The following ZFAT variants were observed in gnomAD, a reference collection of about 807,000 sequenced individuals.
The protein encoded by ZFAT is zinc finger protein ZFAT.
In ZFAT, 64 loss-of-function variants were observed where a neutral mutation model predicts 117.7. The ratio of observed to expected loss-of-function variants is 0.54; its 90% CI spans 0.44 to 0.67. ZFAT has a LOEUF of 0.67. Ranked by LOEUF, ZFAT falls within the 30% of genes least tolerant of loss-of-function variation. The probability of loss-of-function intolerance (pLI) is 0.00; values close to 1 mark genes in which losing one functional copy is unlikely to be tolerated. For synonymous variants in ZFAT, 679 were observed against 615.0 expected (o/e 1.10, Z -1.54); for missense variants, 1,433 against 1,584.5 (o/e 0.90, Z 1.62).
At chr8:134,542,060 C>T (rs1282555969) in intron 11 of ZFAT, among the ~76,000 whole-genome samples, 2 of 152,238 alleles carry the variant, frequency 1.3e-5, no homozygotes, top group African/African-American at 4.8e-5. Context: ...CCTGCCTGAT[C>T]CAGACTTGCC....
the ZFAT span, among the ~76,000 whole-genome samples, chr8:134,825,781 G>A: frequency 6.6e-6 from 1 of 152,196 alleles, no homozygotes; most frequent in Non-Finnish European, 1.5e-5. Context: ...AGCACTTTGG[G>A]AGGACGAGGC....
intron 1 of ZFAT, among the ~76,000 whole-genome samples, chr8:134,658,363 A>C (rs973703077): frequency 2.3e-5 from 3 of 128,950 alleles, no homozygotes; most frequent in Non-Finnish European, 5.0e-5. Flanking sequence ...TGCAACTTAA[A>C]AAACTAAATC....
upstream of ZFAT, among the ~76,000 whole-genome samples, chr8:134,716,145 A>T (rs202032162): frequency 0.012 from 1,253 of 107,658 alleles, 21 homozygotes; most frequent in African/African-American, 0.036. Context: ...AAATTTATTT[A>T]TATATATATA....
the ZFAT span, chr8:134,796,650 G>C: frequency 6.6e-6 from 1 of 151,978 alleles, no homozygotes; most frequent in South Asian, 2.1e-4. Context: ...GGTTAATAAA[G>C]AGACTAAAGA....
At chr8:134,689,238 C>G (rs1833482315) in intron 1 of ZFAT, among the ~76,000 whole-genome samples, 1 of 152,220 alleles carries the variant, frequency 6.6e-6, no homozygotes, top group Non-Finnish European at 1.5e-5. Context: ...CTAGCTATTT[C>G]TGAATAATCT....
At chr8:134,830,631 C>T in the ZFAT span, among the ~76,000 whole-genome samples, 1 of 152,216 alleles carries the variant, frequency 6.6e-6, no homozygotes, top group African/African-American at 2.4e-5. Context: ...TTCTCTCTGG[C>T]ATTTCCTCAG....
chr8:134,761,211 G>C, the ZFAT span, among the ~76,000 whole-genome samples: 1 of 152,162 alleles, frequency 6.6e-6, no homozygotes, highest in African/African-American at 2.4e-5. Context: ...TGTGGGCTGA[G>C]CACTGCATGA....
At chr8:134,543,701 T>C (rs1350139946) in intron 11 of ZFAT, among the ~76,000 whole-genome samples, 1 of 152,176 alleles carries the variant, frequency 6.6e-6, no homozygotes, top group Non-Finnish European at 1.5e-5. Flanking sequence ...GAAGGGGCTA[T>C]GGTCATCTAG....
At chr8:134,662,887 C>A (rs894384041) in intron 1 of ZFAT, among the ~76,000 whole-genome samples, 4 of 152,240 alleles carry the variant, frequency 2.6e-5, no homozygotes, top group African/African-American at 9.6e-5. Flanking sequence ...GTCATCCGCC[C>A]ACAGAGGACG....
intron 1 of ZFAT, among the ~76,000 whole-genome samples, chr8:134,699,709 A>C (rs931492088): frequency 6.6e-6 from 1 of 152,212 alleles, no homozygotes; most frequent in African/African-American, 2.4e-5. Context: ...TCTGTAAATC[A>C]AAGATAATAT....
intron 1 of ZFAT, among the ~76,000 whole-genome samples, chr8:134,684,398 T>C (rs1208830364): frequency 1.3e-5 from 2 of 152,108 alleles, no homozygotes; most frequent in African/African-American, 4.8e-5. Flanking sequence ...AATAATAAGA[T>C]CTCCATCTTA....
intron 3 of ZFAT, among the ~76,000 whole-genome samples, chr8:134,612,580 GT>G (rs1828422848): frequency 6.6e-6 from 1 of 152,194 alleles, no homozygotes; most frequent in Admixed American, 6.5e-5. Context: ...GTTCTATAAA[GT>G]TTTTTTGGTG....
At chr8:134,600,882 T>C (rs914276346) in intron 6 of ZFAT, among the ~76,000 whole-genome samples, 2 of 152,158 alleles carry the variant, frequency 1.3e-5, no homozygotes, top group Admixed American at 6.5e-5. Flanking sequence ...TTGCATGATG[T>C]TAGGGCCCAG....
chr8:134,562,828 C>T (rs958971890), intron 11 of ZFAT, among the ~76,000 whole-genome samples: 2 of 152,142 alleles, frequency 1.3e-5, no homozygotes, highest in Non-Finnish European at 2.9e-5. Context: ...AGATAGTCCA[C>T]AATCTTAAAA....
At chr8:134,705,163 G>C (rs548909745) in intron 1 of ZFAT, among the ~76,000 whole-genome samples, 1 of 152,090 alleles carries the variant, frequency 6.6e-6, no homozygotes, top group East Asian at 1.9e-4. Context: ...TTACATTCCA[G>C]CAACAAAAAG....
At chr8:134,693,119 G>A (rs1193377460) in intron 1 of ZFAT, among the ~76,000 whole-genome samples, 1 of 152,170 alleles carries the variant, frequency 6.6e-6, no homozygotes, top group Non-Finnish European at 1.5e-5. Context: ...TTCTGAGAGG[G>A]TGGAGAGGCA....
chr8:134,599,599 C>T, intron 7 of ZFAT: 2 of 366,134 alleles, frequency 5.5e-6, no homozygotes, highest in South Asian at 4.2e-5. Flanking sequence ...ACCCAAACAC[C>T]TGACTTTACC....
the ZFAT span, among the ~76,000 whole-genome samples, chr8:134,754,997 C>A: frequency 6.6e-6 from 1 of 152,294 alleles, no homozygotes. Context: ...CCAAGTTATT[C>A]CTGAAGCCAG....
intron 15 of ZFAT, among the ~76,000 whole-genome samples, chr8:134,481,507 A>G (rs1817303926): frequency 6.6e-6 from 1 of 152,146 alleles, no homozygotes; most frequent in South Asian, 2.1e-4. Context: ...ACTGATGGAA[A>G]TTTTCCACTG....
Sources: gnomAD v4.1 joint callset for allele counts (sites outside exome capture counted in the v4.1 genomes callset) on GRCh38, gnomAD v4.1.1 for gene constraint, MANE v1.5 for transcripts, NCBI Gene and HGNC (gene_info 2026-07-23, HGNC 2026-07-21) for gene names.